The following PASD1 variants were observed in gnomAD, a reference collection of about 807,000 sequenced individuals.
The protein encoded by PASD1 is PAS domain containing repressor 1, also known as circadian clock protein PASD1.
In PASD1, 13 loss-of-function variants were observed where a neutral mutation model predicts 58.8. The ratio of observed to expected loss-of-function variants is 0.22; its 90% CI spans 0.14 to 0.35. The LOEUF (loss-of-function observed/expected upper bound fraction) is 0.35, where lower values mean the gene tolerates loss of function less well. Ranked by LOEUF, PASD1 falls within the 10% of genes least tolerant of loss-of-function variation. The pLI is 1.00. For missense variants in PASD1, 734 were observed against 568.3 expected (o/e 1.29, Z -2.96); for synonymous variants, 236 against 216.7 (o/e 1.09, Z -0.78).
In PASD1 at chrX:151,676,430, T is replaced by C; in HGVS notation, c.*287T>C. ...CTTGTCTGCCCCGCCCAGCTTTGCATATCCATGTTCTACCACAGGAAGGTG... is the reference window on the plus strand; with the variant it reads ...CTTGTCTGCCCCGCCCAGCTTTGCACATCCATGTTCTACCACAGGAAGGTG... On this transcript the variant is annotated 3_prime_UTR_variant, in exon 16 of 16. Coordinates refer to ENST00000370357, the MANE Select transcript of PASD1 (RefSeq NM_173493.3). The C allele has an allele frequency of 3.9e-6, 1 of 256,213 alleles. No individual in the cohort carries two copies. Among genetic ancestry groups the C allele is most frequent in the Non-Finnish European group, 7.0e-6 (1 of 143,759 alleles). The allele number at this position is 256,213 out of a possible 1,213,427, so 21.1% of individuals were successfully genotyped here.
intron 10 of PASD1, among the ~76,000 whole-genome samples, chrX:151,662,484 C>T (rs1378130942): frequency 9.0e-6 from 1 of 110,939 alleles, no homozygotes; most frequent in Admixed American, 9.6e-5. Context: ...TATTTAGAAA[C>T]GAAGATCTGG....
At position 151,671,058 on chromosome X, in the gene PASD1, A is replaced by C. The variant is rs751590801; in HGVS notation, c.1092A>C (p.Pro364=). ...ASAQPLQPSS[P]VAYDIISQEL... is the part of the protein sequence containing the mutation. ...CACAGCCATTACAGCCATCATCACCAGTTGCATATGACATCATTAGCCAGG... is the reference window on the plus strand; with the variant it reads ...CACAGCCATTACAGCCATCATCACCCGTTGCATATGACATCATTAGCCAGG... Residue 364 remains proline (P), a synonymous_variant, in exon 12 of 16, where the codon CCA becomes CCC. Coordinates refer to ENST00000370357, the MANE Select transcript of PASD1 (RefSeq NM_173493.3). The C allele has an allele frequency of 1.7e-6, 2 of 1,211,247 alleles. No individual in the cohort carries two copies. The highest frequency in any genetic ancestry group is 4.3e-5 in the Admixed American group (2 of 45,994).
intron 1 of PASD1, among the ~76,000 whole-genome samples, chrX:151,575,604 GATC>G (rs1332209579): frequency 3.6e-5 from 4 of 110,756 alleles, no homozygotes; most frequent in African/African-American, 1.3e-4. Flanking sequence ...ATTTGAAACG[GATC>G]ATCAAGTTGT....
intron 8 of PASD1, among the ~76,000 whole-genome samples, chrX:151,644,326 C>T (rs2014031614): frequency 9.0e-6 from 1 of 111,632 alleles, no homozygotes; most frequent in South Asian, 3.8e-4. Flanking sequence ...CCACAGAACA[C>T]GCTTCTCTTC....
At chrX:151,621,667 T>C in intron 6 of PASD1, 75 bp downstream of exon 6, 4 of 668,195 alleles carry the variant, frequency 6.0e-6, no homozygotes, top group Non-Finnish European at 8.8e-6. Flanking sequence ...ATAAATGCTC[T>C]TCTGCTTGGT....
chrX:151,619,952 T>C (rs948445121), intron 4 of PASD1, among the ~76,000 whole-genome samples: 14 of 111,778 alleles, frequency 1.3e-4, no homozygotes, highest in Admixed American at 1.0e-3. Context: ...TAAAATTTCT[T>C]ATTCATGTAT....
intron 8 of PASD1, among the ~76,000 whole-genome samples, chrX:151,644,941 C>T (rs2014041735): frequency 9.0e-6 from 1 of 110,642 alleles, no homozygotes; most frequent in South Asian, 3.9e-4. Flanking sequence ...CAGGGAGCCA[C>T]TTAACAGGAA....
chrX:151,635,434 G>A (rs778591887), intron 8 of PASD1, among the ~76,000 whole-genome samples: 1 of 111,957 alleles, frequency 8.9e-6, no homozygotes, highest in East Asian at 2.8e-4. Flanking sequence ...TTGTGTATGA[G>A]TGTATATAAA....
chrX:151,597,423 G>A (rs1243676332), intron 1 of PASD1, among the ~76,000 whole-genome samples: 14 of 111,950 alleles, frequency 1.3e-4, no homozygotes. Context: ...TTCCAAGGCA[G>A]TATCCCATTT....
rs201476109 is a variant in PASD1 at position 151,647,819 on chromosome X, T to C, written c.630-796T>C. ...GATCAGAATTCACTTTTTGAAATCA[T>C]GTGGCATAACCCAGGTTTTCTCTTA... On this transcript the variant is annotated intron_variant, in intron 8 of 15. Coordinates refer to ENST00000370357, the MANE Select transcript of PASD1 (RefSeq NM_173493.3). Among the ~76,000 whole-genome samples the C allele has an allele frequency of 1.1e-4, 12 of 111,255 alleles. No individual in the cohort carries two copies. The East Asian group carries it at 3.1e-3, about 29-fold the overall frequency.
Position 151,659,743 on chromosome X carries a change from T to C in PASD1, c.748T>C (p.Tyr250His), listed in dbSNP as rs2014287407. Residue 250 changes from tyrosine (Y) to histidine (H), a missense_variant, in exon 10 of 16, where the codon TAT becomes CAT. Transcript: ENST00000370357. ...AATTGATATTGCAGAGGTTGAGCAGTATGGACCACAAGAAAACGTTCACAT... is the reference window on the plus strand; with the variant it reads ...AATTGATATTGCAGAGGTTGAGCAGCATGGACCACAAGAAAACGTTCACAT... ...DQIDIAEVEQ[Y>H]GPQENVHMFV... The C allele has an allele frequency of 4.2e-6, 5 of 1,201,408 alleles. No individual in the cohort carries two copies. Among genetic ancestry groups the C allele is most frequent in the Non-Finnish European group, 5.6e-6 (5 of 887,507 alleles).
At chrX:151,602,708 A>G (rs1484781537) in intron 2 of PASD1, among the ~76,000 whole-genome samples, 2 of 86,928 alleles carry the variant, frequency 2.3e-5, no homozygotes, top group African/African-American at 8.3e-5. Flanking sequence ...AATAATAATA[A>G]TAATAAGAAG....
At chrX:151,565,881 C>A (rs1371995619) in intron 1 of PASD1, among the ~76,000 whole-genome samples, 1 of 111,833 alleles carries the variant, frequency 8.9e-6, no homozygotes, top group African/African-American at 3.3e-5. Flanking sequence ...TAATGGCTGG[C>A]CTTTATGGGC....
chrX:151,605,932 A>C (rs965279307), intron 3 of PASD1, among the ~76,000 whole-genome samples: 1 of 112,273 alleles, frequency 8.9e-6, no homozygotes, highest in African/African-American at 3.2e-5. Context: ...CCTATACACA[A>C]ATATTTGCTA....
intron 1 of PASD1, among the ~76,000 whole-genome samples, chrX:151,599,939 G>A (rs1164192413): frequency 8.9e-6 from 1 of 111,833 alleles, no homozygotes; most frequent in Admixed American, 9.4e-5. Flanking sequence ...GTTGTAGCGA[G>A]CCGAGATCAC....
At chrX:151,668,843 A>G (rs4494031) in intron 11 of PASD1, among the ~76,000 whole-genome samples, 1 of 104,630 alleles carries the variant, frequency 9.6e-6, no homozygotes, top group Non-Finnish European at 1.9e-5. Flanking sequence ...AGGGAATCCT[A>G]CCTAACTCGT....
intron 1 of PASD1, among the ~76,000 whole-genome samples, chrX:151,589,420 C>T (rs1206419925): frequency 9.0e-6 from 1 of 111,699 alleles, no homozygotes; most frequent in Non-Finnish European, 1.9e-5. Flanking sequence ...TCACTGCCCC[C>T]TCTGAGAAGA....
chrX:151,625,064 C>G (rs776495213), intron 7 of PASD1, among the ~76,000 whole-genome samples: 1 of 112,164 alleles, frequency 8.9e-6, no homozygotes, highest in East Asian at 2.8e-4. Flanking sequence ...TATTTGTGTT[C>G]TAGTCCAGTT....
At chrX:151,666,206 G>A (rs1011401015) in intron 11 of PASD1, among the ~76,000 whole-genome samples, 15 of 109,516 alleles carry the variant, frequency 1.4e-4, no homozygotes, top group Non-Finnish European at 2.3e-4. Context: ...TTATCGATCA[G>A]GACTGTGGCT....
Sources: gnomAD v4.1 joint callset for allele counts (sites outside exome capture counted in the v4.1 genomes callset) on GRCh38, gnomAD v4.1.1 for gene constraint, MANE v1.5 for transcripts, NCBI Gene and HGNC (gene_info 2026-07-23, HGNC 2026-07-21) for gene names.